LDLRAD3: variants seen among roughly 807,000 people sequenced by gnomAD.
The protein encoded by LDLRAD3 is low density lipoprotein receptor class A domain containing 3.
LDLRAD3 carries 20 observed loss-of-function variants against 29.4 expected under a neutral mutation model. That is an observed-to-expected ratio of 0.68 (90% confidence interval 0.48 to 0.99). The LOEUF (loss-of-function observed/expected upper bound fraction) is 0.99. Among genes scored for constraint, LDLRAD3 ranks in the 50% least tolerant of loss-of-function variants. LDLRAD3 has a pLI of 0.00. For synonymous variants in LDLRAD3, 157 were observed against 192.7 expected, an observed-to-expected ratio of 0.81 and a Z score of 1.53; for missense variants, 420 against 454.3, an observed-to-expected ratio of 0.92 and a Z score of 0.69.
chr11:36,154,502 C>A (rs1854319963), intron 4 of LDLRAD3, among the ~76,000 whole-genome samples: 1 of 152,180 alleles, frequency 6.6e-6, no homozygotes, highest in African/African-American at 2.4e-5. Context: ...GAGGCACTTT[C>A]CCAATCTTAG....
intron 2 of LDLRAD3, among the ~76,000 whole-genome samples, chr11:36,078,123 G>A (rs954855319): frequency 5.3e-5 from 8 of 152,118 alleles, no homozygotes; most frequent in Admixed American, 2.0e-4. Context: ...GGCTGAGTCC[G>A]GAGTTTTTAT....
intron 4 of LDLRAD3, among the ~76,000 whole-genome samples, chr11:36,160,596 G>A (rs574855672): frequency 1.3e-5 from 2 of 152,192 alleles, no homozygotes; most frequent in East Asian, 3.9e-4. Flanking sequence ...GTTCAACCCA[G>A]GAACTCTGCT....
intron 4 of LDLRAD3, among the ~76,000 whole-genome samples, chr11:36,127,307 T>C (rs1339151678): frequency 1.3e-5 from 2 of 152,218 alleles, no homozygotes; most frequent in Non-Finnish European, 2.9e-5. Flanking sequence ...CAATTATGAA[T>C]AGTTTATGGT....
In LDLRAD3 at chr11:36,187,200, A is replaced by G. The variant is rs145810801; in HGVS notation, c.455-39885A>G. Among the ~76,000 whole-genome samples, 98 of 151,786 alleles carry G rather than the reference A, an allele frequency of 6.5e-4. No individual in the cohort carries two copies. The East Asian group carries it at 0.014, about 22-fold the overall frequency. ...TACATTTAGTCTTTCCTTTTTTATG[A>G]TCAGAAGTAACCTATGCATATTATG... On this transcript the variant is annotated intron_variant, in intron 4 of 5. Coordinates refer to ENST00000315571, the MANE Select transcript of LDLRAD3 (RefSeq NM_174902.4).
intron 1 of LDLRAD3, among the ~76,000 whole-genome samples, chr11:35,953,939 G>A (rs1450753047): frequency 6.6e-6 from 1 of 152,140 alleles, no homozygotes; most frequent in African/African-American, 2.4e-5. Context: ...AAGCAGGATT[G>A]GAATGAGTTG....
At chr11:36,119,406 T>G (rs1853720952) in intron 4 of LDLRAD3, among the ~76,000 whole-genome samples, 1 of 152,198 alleles carries the variant, frequency 6.6e-6, no homozygotes. Flanking sequence ...TGGACTGTTT[T>G]CCAAAGCTGC....
At chr11:36,053,919 A>C (rs1852566968) in intron 2 of LDLRAD3, among the ~76,000 whole-genome samples, 1 of 149,822 alleles carries the variant, frequency 6.7e-6, no homozygotes, top group African/African-American at 2.4e-5. Flanking sequence ...AGACAAGGTG[A>C]TGGATGGGGT....
chr11:36,130,197 G>A (rs960425781), intron 4 of LDLRAD3, among the ~76,000 whole-genome samples: 30 of 152,200 alleles, frequency 2.0e-4, no homozygotes, highest in Admixed American at 1.6e-3. Flanking sequence ...CACGATAGTA[G>A]CACGGTGGGC....
rs57049829 is a variant in LDLRAD3 at position 36,188,371 on chromosome 11, C to CAAAA, written c.455-38689_455-38686dup. Among the ~76,000 whole-genome samples, 48 of 62,036 alleles carry CAAAA rather than the reference C, an allele frequency of 7.7e-4. 1 individual carries two copies. Among genetic ancestry groups the CAAAA allele is most frequent in the East Asian group, 5.0e-3 (9 of 1,810 alleles). 40.7% of individuals were successfully genotyped at this position (62,036 alleles called of 152,430 possible). The stretch of plus-strand genomic sequence containing the variant: ...ACAAAGAAAAGGAGAGGAAAACCAG[C>CAAAA]AAAAAAAAAAAAAAAAAAAAAAAAA... On this transcript the variant is annotated intron_variant, in intron 4 of 5. Transcript: ENST00000315571.
At chr11:36,079,648 A>G (rs1429809615) in intron 2 of LDLRAD3, among the ~76,000 whole-genome samples, 1 of 152,184 alleles carries the variant, frequency 6.6e-6, no homozygotes, top group East Asian at 1.9e-4. Context: ...GCATGGGTGC[A>G]AGAGGCAGCA....
At chr11:36,190,429 G>A (rs372435740) in intron 4 of LDLRAD3, among the ~76,000 whole-genome samples, 3 of 152,304 alleles carry the variant, frequency 2.0e-5, no homozygotes, top group East Asian at 3.9e-4. Context: ...GATCCCAGGA[G>A]TTAAAGTCTG....
At chr11:36,074,992 A>G (rs1054914585) in intron 2 of LDLRAD3, among the ~76,000 whole-genome samples, 1 of 152,104 alleles carries the variant, frequency 6.6e-6, no homozygotes, top group African/African-American at 2.4e-5. Flanking sequence ...TGGGAACCTA[A>G]ATTTCAGTAG....
intron 4 of LDLRAD3, among the ~76,000 whole-genome samples, chr11:36,105,503 C>T (rs1258361245): frequency 2.0e-5 from 3 of 152,040 alleles, no homozygotes; most frequent in Non-Finnish European, 4.4e-5. Flanking sequence ...GAAATAGGGT[C>T]ATTGCAGATG....
At chr11:36,215,038 T>TG (rs1167270885) in intron 4 of LDLRAD3, among the ~76,000 whole-genome samples, 1 of 151,322 alleles carries the variant, frequency 6.6e-6, no homozygotes, top group African/African-American at 2.4e-5. Flanking sequence ...ACGAGGTGGG[T>TG]GGGGGGATGG....
intron 4 of LDLRAD3, among the ~76,000 whole-genome samples, chr11:36,194,280 C>T (rs1035521599): frequency 1.3e-5 from 2 of 152,044 alleles, no homozygotes; most frequent in Non-Finnish European, 1.5e-5. Flanking sequence ...TTTGTAGGTC[C>T]ATGATGGATT....
At chr11:35,980,635 T>C (rs1411546233) in intron 1 of LDLRAD3, among the ~76,000 whole-genome samples, 2 of 152,230 alleles carry the variant, frequency 1.3e-5, no homozygotes, top group Admixed American at 6.5e-5. Context: ...ATAAATCCTT[T>C]TCTACTCACT....
chr11:36,176,359 A>G (rs2133353111), intron 4 of LDLRAD3, among the ~76,000 whole-genome samples: 1 of 152,100 alleles, frequency 6.6e-6, no homozygotes, highest in Non-Finnish European at 1.5e-5. Flanking sequence ...TTGTTGCCTG[A>G]ATACCTTGTG....
At chr11:36,118,567 GCC>G (rs1853707399) in intron 4 of LDLRAD3, among the ~76,000 whole-genome samples, 1 of 151,958 alleles carries the variant, frequency 6.6e-6, no homozygotes. Context: ...CTCATTTTCT[GCC>G]AAGTAGAAGC....
At chr11:36,035,205 A>G (rs777646720) in intron 1 of LDLRAD3, among the ~76,000 whole-genome samples, 3 of 151,306 alleles carry the variant, frequency 2.0e-5, no homozygotes, top group Non-Finnish European at 2.9e-5. Flanking sequence ...CTTTTCCCCA[A>G]AACTCTTTTA....
Sources: gnomAD v4.1 joint callset for allele counts (sites outside exome capture counted in the v4.1 genomes callset) on GRCh38, gnomAD v4.1.1 for gene constraint, MANE v1.5 for transcripts, NCBI Gene and HGNC (gene_info 2026-07-23, HGNC 2026-07-21) for gene names.